MCTP1: variants seen among roughly 807,000 people sequenced by gnomAD.
The protein encoded by MCTP1 is multiple C2 and transmembrane domain-containing protein 1.
Under a neutral mutation model 120.6 loss-of-function variants are expected in MCTP1, and 69 were observed. That is an observed-to-expected ratio of 0.57 (90% confidence interval 0.47 to 0.70). MCTP1 has a LOEUF of 0.70. Ranked by LOEUF, MCTP1 falls within the 30% of genes least tolerant of loss-of-function variation. MCTP1 has a pLI of 0.00. For missense variants in MCTP1, 1,203 were observed against 1,248.8 expected (o/e 0.96, Z 0.55); for synonymous variants, 529 against 493.1 (o/e 1.07, Z -0.96).
At chr5:95,115,416 A>T (rs1179902558) in intron 1 of MCTP1, among the ~76,000 whole-genome samples, 1 of 152,122 alleles carries the variant, frequency 6.6e-6, no homozygotes. Context: ...TCTATCAGAT[A>T]AACTGAACAA....
At chr5:95,240,025 C>G (rs1485690092) in intron 1 of MCTP1, among the ~76,000 whole-genome samples, 2 of 152,010 alleles carry the variant, frequency 1.3e-5, no homozygotes, top group African/African-American at 2.4e-5. Flanking sequence ...ATGATCTCAT[C>G]TGTATTATTA....
At position 95,161,660 on chromosome 5, in the gene MCTP1, A is replaced by G. The variant is rs1421239696; in HGVS notation, c.720+122196T>C. Among the ~76,000 whole-genome samples, 4 of 152,302 alleles carry G rather than the reference A, an allele frequency of 2.6e-5. No individual in the cohort carries two copies. The South Asian group carries it at 6.2e-4, about 24-fold the overall frequency. On this transcript the variant is annotated intron_variant, in intron 1 of 22. Transcript: ENST00000515393. ...GATTTAATCATTCCACATTGTAAAC[A>G]TATATGGAAACATCACTTTGTACCC...
chr5:94,897,210 G>A (rs1220987219), intron 10 of MCTP1, among the ~76,000 whole-genome samples: 1 of 150,582 alleles, frequency 6.6e-6, no homozygotes, highest in Non-Finnish European at 1.5e-5. Context: ...CTACGGGTGC[G>A]TGCCACCAGG....
chr5:94,801,214 G>A (rs1467683621), intron 17 of MCTP1, among the ~76,000 whole-genome samples: 3 of 152,104 alleles, frequency 2.0e-5, no homozygotes, highest in Admixed American at 1.3e-4. Context: ...TGTTTTATCC[G>A]TAGAGCCTGG....
At chr5:94,724,253 A>G (rs1418168297) in intron 19 of MCTP1, among the ~76,000 whole-genome samples, 1 of 151,984 alleles carries the variant, frequency 6.6e-6, no homozygotes, top group Non-Finnish European at 1.5e-5. Flanking sequence ...GAACCCCCCA[A>G]CTTTTGCTTT....
chr5:95,108,378 T>C (rs1375716548), intron 1 of MCTP1, among the ~76,000 whole-genome samples: 1 of 152,202 alleles, frequency 6.6e-6, no homozygotes, highest in Non-Finnish European at 1.5e-5. Context: ...TGACACATCT[T>C]ATTCACTGTC....
intron 1 of MCTP1, among the ~76,000 whole-genome samples, chr5:95,139,011 T>A (rs1343296725): frequency 3.3e-5 from 5 of 152,210 alleles, no homozygotes; most frequent in African/African-American, 1.2e-4. Flanking sequence ...GATCTTAAAA[T>A]TAGAGTTTAT....
At chr5:94,898,370 C>T (rs903530273) in intron 10 of MCTP1, among the ~76,000 whole-genome samples, 1 of 152,180 alleles carries the variant, frequency 6.6e-6, no homozygotes, top group Non-Finnish European at 1.5e-5. Flanking sequence ...TTCTTGTTGG[C>T]TTGAGGATAA....
At chr5:95,002,916 G>A (rs1177461739) in intron 2 of MCTP1, among the ~76,000 whole-genome samples, 1 of 152,164 alleles carries the variant, frequency 6.6e-6, no homozygotes, top group Non-Finnish European at 1.5e-5. Context: ...ATCTTGAAAT[G>A]TAATCCCATA....
At chr5:94,729,676 C>T (rs1211345224) in intron 19 of MCTP1, among the ~76,000 whole-genome samples, 1 of 152,128 alleles carries the variant, frequency 6.6e-6, no homozygotes, top group Non-Finnish European at 1.5e-5. Context: ...AGGAGAAGTG[C>T]ACGTAGTACA....
In MCTP1 at chr5:94,917,886, T is replaced by C. The variant is rs1219761460; in HGVS notation, c.1350+10A>G. ...AGAAAAAAATAAATGAACTGAATGG[T>C]TGAACTTACTTGTACATTTTTGCAA... On this transcript the variant is annotated intron_variant, in intron 8 of 22. Coordinates refer to ENST00000515393, the MANE Select transcript of MCTP1 (RefSeq NM_024717.7). 1.2e-6 allele frequency: 2 copies of C among 1,610,074 alleles called. No individual in the cohort carries two copies. Among genetic ancestry groups the C allele is most frequent in the South Asian group, 1.1e-5 (1 of 91,002 alleles).
chr5:95,198,396 C>T (rs1204206725), intron 1 of MCTP1, among the ~76,000 whole-genome samples: 1 of 152,084 alleles, frequency 6.6e-6, no homozygotes, highest in Non-Finnish European at 1.5e-5. Context: ...CACAACCATC[C>T]TGTTTTTCAC....
intron 1 of MCTP1, among the ~76,000 whole-genome samples, chr5:95,189,630 AG>A (rs1749616514): frequency 6.6e-6 from 1 of 152,128 alleles, no homozygotes; most frequent in African/African-American, 2.4e-5. Flanking sequence ...CACATTGAAT[AG>A]GAATCCAGGA....
chr5:95,151,512 G>A (rs1220385916), intron 1 of MCTP1, among the ~76,000 whole-genome samples: 2 of 152,080 alleles, frequency 1.3e-5, no homozygotes, highest in Non-Finnish European at 2.9e-5. Context: ...AGGGTCAACT[G>A]TGTATTTTAA....
intron 1 of MCTP1, among the ~76,000 whole-genome samples, chr5:95,058,273 G>A (rs12513499): frequency 0.83 from 126,354 of 152,250 alleles, 53,597 homozygotes; most frequent in Non-Finnish European, 0.93. Flanking sequence ...TACTGCAGAA[G>A]AATACATTCC....
intron 19 of MCTP1, among the ~76,000 whole-genome samples, chr5:94,737,744 T>C (rs1169467133): frequency 6.6e-6 from 1 of 152,232 alleles, no homozygotes; most frequent in Non-Finnish European, 1.5e-5. Context: ...GGTGCGATCT[T>C]GGCTCACTGC....
chr5:95,000,182 C>T (rs561795729), intron 2 of MCTP1, among the ~76,000 whole-genome samples: 1 of 152,130 alleles, frequency 6.6e-6, no homozygotes, highest in South Asian at 2.1e-4. Flanking sequence ...ATATTTGTGG[C>T]AAACTGATGT....
At chr5:94,755,173 G>T (rs1305444810) in intron 19 of MCTP1, among the ~76,000 whole-genome samples, 1 of 151,998 alleles carries the variant, frequency 6.6e-6, no homozygotes, top group Non-Finnish European at 1.5e-5. Context: ...TTTCCTGAGA[G>T]AGCTGAGGCC....
intron 17 of MCTP1, among the ~76,000 whole-genome samples, chr5:94,799,962 G>A (rs1009754541): frequency 6.6e-6 from 1 of 151,862 alleles, no homozygotes; most frequent in African/African-American, 2.4e-5. Flanking sequence ...AAATTCTCTG[G>A]GTCTATGGCT....
Sources: allele counts gnomAD v4.1 joint callset (sites outside exome capture counted in the v4.1 genomes callset), GRCh38; gene constraint gnomAD v4.1.1; transcripts MANE v1.5; gene names NCBI Gene and HGNC (gene_info 2026-07-23, HGNC 2026-07-21).